Variants in AGBL1 observed in about 807,000 individuals in gnomAD.
AGBL1 encodes the protein cytosolic carboxypeptidase 4.
A neutral mutation model predicts 118.9 loss-of-function variants in AGBL1; 130 were observed. The ratio of observed to expected loss-of-function variants is 1.09; its 90% CI spans 0.95 to 1.26. The LOEUF (loss-of-function observed/expected upper bound fraction) is 1.26, where lower values mean the gene tolerates loss of function less well. Ranked by LOEUF, AGBL1 falls within the 50% of genes most tolerant of loss-of-function variation. AGBL1 has a pLI of 0.00. For missense variants in AGBL1, 1,584 were observed against 1,298.1 expected, an observed-to-expected ratio of 1.22 and a Z score of -3.38; for synonymous variants, 555 against 478.9, an observed-to-expected ratio of 1.16 and a Z score of -2.08.
chr15:86,775,550 A>T (rs2078242946), intron 22 of AGBL1, among the ~76,000 whole-genome samples: 1 of 152,106 alleles, frequency 6.6e-6, no homozygotes, highest in African/African-American at 2.4e-5. Context: ...TCAATATCTC[A>T]TACTCTCTGA....
chr15:86,558,841 A>G (rs1031449490), intron 21 of AGBL1, among the ~76,000 whole-genome samples: 1 of 152,188 alleles, frequency 6.6e-6, no homozygotes, highest in Non-Finnish European at 1.5e-5. Flanking sequence ...GCAGTAGCCC[A>G]GACTGTAGGC....
intron 22 of AGBL1, among the ~76,000 whole-genome samples, chr15:86,773,693 C>A (rs377033812): frequency 1.3e-5 from 2 of 151,896 alleles, no homozygotes; most frequent in African/African-American, 4.8e-5. Flanking sequence ...TTCATGCACT[C>A]AGTGGAATAA....
chr15:86,238,308 G>T (rs1222669231), intron 6 of AGBL1, among the ~76,000 whole-genome samples: 1 of 152,170 alleles, frequency 6.6e-6, no homozygotes, highest in Non-Finnish European at 1.5e-5. Context: ...CAATAATAGT[G>T]CCTGGAACAA....
intron 15 of AGBL1, among the ~76,000 whole-genome samples, chr15:86,275,430 T>C (rs2079235343): frequency 6.6e-6 from 1 of 152,180 alleles, no homozygotes; most frequent in Non-Finnish European, 1.5e-5. Context: ...TTAGATCCTG[T>C]TAAATGAAAT....
intron 24 of AGBL1, among the ~76,000 whole-genome samples, chr15:87,021,640 A>T (rs374830353): frequency 1.5e-4 from 23 of 152,304 alleles, no homozygotes; most frequent in African/African-American, 5.5e-4. Context: ...AACTTAAGCA[A>T]ATTTACCAGA....
chr15:86,486,000 G>A (rs529043930), intron 18 of AGBL1, among the ~76,000 whole-genome samples: 1 of 152,062 alleles, frequency 6.6e-6, no homozygotes, highest in South Asian at 2.1e-4. Flanking sequence ...CTGAGCATTG[G>A]CATCACCTGT....
chr15:86,139,294 C>G (rs1053997026), intron 1 of AGBL1, among the ~76,000 whole-genome samples: 7 of 151,752 alleles, frequency 4.6e-5, no homozygotes, highest in Non-Finnish European at 8.8e-5. Context: ...GTTCAGGGTT[C>G]TCTTCTGTAT....
chr15:86,686,821 G>A (rs2086066378), intron 22 of AGBL1, among the ~76,000 whole-genome samples: 1 of 152,048 alleles, frequency 6.6e-6, no homozygotes, highest in South Asian at 2.1e-4. Context: ...ATATCCCATT[G>A]GACAGAGATG....
At chr15:86,457,990 A>AAGT (rs2082281483) in intron 18 of AGBL1, among the ~76,000 whole-genome samples, 1 of 152,152 alleles carries the variant, frequency 6.6e-6, no homozygotes, top group African/African-American at 2.4e-5. Flanking sequence ...GACGGAATAA[A>AAGT]AGTGAAGACA....
At chr15:86,405,061 G>A (rs1303164967) in intron 18 of AGBL1, among the ~76,000 whole-genome samples, 1 of 152,190 alleles carries the variant, frequency 6.6e-6, no homozygotes, top group Non-Finnish European at 1.5e-5. Flanking sequence ...TATGGGGGAG[G>A]CCAGAGGAGA....
chr15:86,396,243 G>GTA (rs3050890), intron 17 of AGBL1, among the ~76,000 whole-genome samples: 5,940 of 126,524 alleles, frequency 0.047, 213 homozygotes, highest in African/African-American at 0.11. Flanking sequence ...GTGTGTGTGT[G>GTA]TATATATATA....
At chr15:86,120,469 A>G (rs1231750936) in intron 1 of AGBL1, among the ~76,000 whole-genome samples, 2 of 152,236 alleles carry the variant, frequency 1.3e-5, no homozygotes, top group South Asian at 2.1e-4. Context: ...TGTATTAAGC[A>G]TGCAAATCAA....
rs190212751 is a variant in AGBL1, at chr15:86,666,574, A to C, written c.2995-7699A>C. On this transcript the variant is annotated intron_variant, in intron 21 of 22. Transcript: ENST00000614907. ...CAAATAATAGGAAATAACAGTGGTGAAAGCAGGCCATAATTTTGGTGATAG... is the reference window on the plus strand; with the variant it reads ...CAAATAATAGGAAATAACAGTGGTGCAAGCAGGCCATAATTTTGGTGATAG... Among the ~76,000 whole-genome samples the C allele has an allele frequency of 1.2e-3, 183 of 152,280 alleles. 1 individual carries two copies. The highest frequency in any genetic ancestry group is 4.3e-3 in the African/African-American group (179 of 41,574).
At chr15:86,527,445 C>T (rs759348144) in intron 19 of AGBL1, among the ~76,000 whole-genome samples, 1 of 152,152 alleles carries the variant, frequency 6.6e-6, no homozygotes, top group African/African-American at 2.4e-5. Flanking sequence ...GGGTGAGAAA[C>T]AGCTGAGCAC....
chr15:86,242,305 T>C (rs530435777), intron 6 of AGBL1, among the ~76,000 whole-genome samples: 4 of 152,348 alleles, frequency 2.6e-5, no homozygotes, highest in African/African-American at 9.6e-5. Context: ...ATCATGATGA[T>C]GATAGTTACC....
chr15:87,006,639 C>T (rs2081507415), intron 24 of AGBL1, among the ~76,000 whole-genome samples: 1 of 152,168 alleles, frequency 6.6e-6, no homozygotes, highest in African/African-American at 2.4e-5. Context: ...CTTGCACTTC[C>T]CGGGTGAGGC....
intron 22 of AGBL1, among the ~76,000 whole-genome samples, chr15:86,890,868 G>T (rs1250959277): frequency 6.6e-6 from 1 of 152,052 alleles, no homozygotes. Context: ...TCTTTGCTAT[G>T]CAGGCTCTTT....
intron 19 of AGBL1, among the ~76,000 whole-genome samples, chr15:86,542,733 T>A (rs554781095): frequency 6.6e-6 from 1 of 152,136 alleles, no homozygotes; most frequent in Non-Finnish European, 1.5e-5. Context: ...GTGGTAGCAC[T>A]TAACCACCAA....
At chr15:86,658,723 G>A (rs1160119801) in intron 21 of AGBL1, among the ~76,000 whole-genome samples, 1 of 152,094 alleles carries the variant, frequency 6.6e-6, no homozygotes, top group Non-Finnish European at 1.5e-5. Context: ...AGAGTTCCTA[G>A]GCTGGTGGGT....
Sources: gnomAD v4.1 joint callset for allele counts (sites outside exome capture counted in the v4.1 genomes callset) on GRCh38, gnomAD v4.1.1 for gene constraint, MANE v1.5 for transcripts, NCBI Gene and HGNC (gene_info 2026-07-23, HGNC 2026-07-21) for gene names.